Variants in SHROOM3 observed in about 807,000 individuals in gnomAD.
SHROOM3 encodes the protein shroom family member 3.
In SHROOM3, 47 loss-of-function variants were observed where a neutral mutation model predicts 138.6. The ratio of observed to expected loss-of-function variants is 0.34; its 90% confidence interval spans 0.27 to 0.43. The LOEUF (loss-of-function observed/expected upper bound fraction) is 0.43, where lower values mean the gene tolerates loss of function less well. Ranked by LOEUF, SHROOM3 falls within the 20% of genes least tolerant of loss-of-function variation. SHROOM3 has a pLI of 1.00. For synonymous variants in SHROOM3, 1,062 were observed against 1,063.3 expected (o/e 1.00, Z 0.02); for missense variants, 2,491 against 2,596.5 (o/e 0.96, Z 0.88).
At chr4:76,747,020 A>C (rs1721461652) in intron 5 of SHROOM3, among the ~76,000 whole-genome samples, 1 of 151,854 alleles carries the variant, frequency 6.6e-6, no homozygotes, top group African/African-American at 2.4e-5. Flanking sequence ...GGGTTTCACC[A>C]CGTTAGCCAG....
At chr4:76,635,587 G>C (rs978856389) in intron 2 of SHROOM3, among the ~76,000 whole-genome samples, 1 of 152,122 alleles carries the variant, frequency 6.6e-6, no homozygotes, top group Admixed American at 6.5e-5. Context: ...AAGAAATTCT[G>C]TCCTGCCTAA....
chr4:76,552,094 C>A (rs1733375900), intron 1 of SHROOM3, among the ~76,000 whole-genome samples: 1 of 150,132 alleles, frequency 6.7e-6, no homozygotes, highest in African/African-American at 2.4e-5. Flanking sequence ...ATCTCCTGAC[C>A]TTGTGATCCG....
intron 2 of SHROOM3, chr4:76,637,601 C>T (rs1735535491): frequency 6.6e-6 from 1 of 152,124 alleles, no homozygotes; most frequent in African/African-American, 2.4e-5. Flanking sequence ...GGTAACTTCA[C>T]AATCACTGGC....
At chr4:76,461,754 G>T (rs374341868) in intron 1 of SHROOM3, among the ~76,000 whole-genome samples, 11 of 152,284 alleles carry the variant, frequency 7.2e-5, no homozygotes, top group African/African-American at 2.6e-4. Flanking sequence ...AAGATCAATA[G>T]CTAAGTACTA....
At chr4:76,455,186 A>G (rs1278587667) in intron 1 of SHROOM3, among the ~76,000 whole-genome samples, 1 of 152,134 alleles carries the variant, frequency 6.6e-6, no homozygotes, top group Non-Finnish European at 1.5e-5. Flanking sequence ...GTTGAATACA[A>G]GTGGTAAAAG....
chr4:76,644,231 T>C (rs1438386681), intron 2 of SHROOM3: 1 of 151,574 alleles, frequency 6.6e-6, no homozygotes, highest in Non-Finnish European at 1.5e-5. Context: ...GATCATACTG[T>C]TTTGTAACAT....
chr4:76,709,392 A>C (rs1293373893), intron 2 of SHROOM3, among the ~76,000 whole-genome samples: 1 of 152,254 alleles, frequency 6.6e-6, no homozygotes, highest in Non-Finnish European at 1.5e-5. Context: ...GTCTGATGAG[A>C]CATCAAGAGC....
intron 2 of SHROOM3, among the ~76,000 whole-genome samples, chr4:76,705,033 G>A (rs566099974): frequency 3.9e-4 from 60 of 152,300 alleles, no homozygotes; most frequent in African/African-American, 1.4e-3. Flanking sequence ...TAATGGCTCA[G>A]TTCCGTGTCT....
chr4:76,457,767 G>A (rs915311621), intron 1 of SHROOM3, among the ~76,000 whole-genome samples: 4 of 151,386 alleles, frequency 2.6e-5, no homozygotes, highest in Non-Finnish European at 4.4e-5. Context: ...TAGGATAACA[G>A]GCGTGAGCCA....
At chr4:76,504,845 T>A (rs6831870) in intron 1 of SHROOM3, among the ~76,000 whole-genome samples, 6 of 152,018 alleles carry the variant, frequency 3.9e-5, no homozygotes, top group Non-Finnish European at 7.4e-5. Context: ...CCAGGATGGT[T>A]GGGGTAAGTA....
intron 1 of SHROOM3, among the ~76,000 whole-genome samples, chr4:76,505,957 A>G (rs1006672797): frequency 5.3e-5 from 8 of 152,120 alleles, no homozygotes; most frequent in African/African-American, 1.9e-4. Context: ...CAGCCTAGAG[A>G]TGATTTAAAG....
At chr4:76,554,419 GTTTTTTTT>G (rs33953968) in intron 1 of SHROOM3, among the ~76,000 whole-genome samples, 1 of 121,752 alleles carries the variant, frequency 8.2e-6, no homozygotes, top group Non-Finnish European at 1.7e-5. Flanking sequence ...TTTTGTTTGT[GTTTTTTTT>G]TTTTTTTTTT....
chr4:76,524,234 A>T (rs1032687088), intron 1 of SHROOM3, among the ~76,000 whole-genome samples: 3 of 152,214 alleles, frequency 2.0e-5, no homozygotes, highest in Non-Finnish European at 4.4e-5. Context: ...GAGAGCAGAG[A>T]TGATGAAGGA....
Position 76,770,746 on chromosome 4 carries a change from G to A in SHROOM3, c.5470G>A (p.Glu1824Lys), listed in dbSNP as rs774141280. The change falls in exon 10 of 11, where the codon GAG becomes AAG. Residue 1824 changes from glutamate (E) to lysine (K), a missense_variant. This residue lies in a region of SHROOM3 where 470 missense variants were observed against 595.0 expected (regional missense o/e 0.79). Coordinates refer to ENST00000296043, the MANE Select transcript of SHROOM3 (RefSeq NM_020859.4). ...AGAAGAGGTGGAGGCTCTGATCAGC[G>A]AGCTCTGCAAGCCCAATGAGTTTGA... is the stretch of plus-strand genomic sequence containing the variant. ...LGEEVEALIS[E>K]LCKPNEFDKY... 2.6e-5 allele frequency: 42 copies of A among 1,614,170 alleles called. No individual in the cohort carries two copies. The East Asian group carries it at 3.3e-4, about 13-fold the overall frequency.
chr4:76,531,953 A>G (rs1437258217), intron 1 of SHROOM3, among the ~76,000 whole-genome samples: 3 of 151,144 alleles, frequency 2.0e-5, no homozygotes, highest in Non-Finnish European at 2.9e-5. Flanking sequence ...ACATGTGCAC[A>G]ACGTGCAGGT....
intron 2 of SHROOM3, among the ~76,000 whole-genome samples, chr4:76,625,884 A>G (rs966340930): frequency 1.1e-4 from 17 of 152,202 alleles, no homozygotes; most frequent in Admixed American, 7.2e-4. Flanking sequence ...CTCGCTCACT[A>G]TTATACTTAG....
intron 3 of SHROOM3, among the ~76,000 whole-genome samples, chr4:76,719,688 C>T (rs919028949): frequency 2.3e-5 from 3 of 131,454 alleles, no homozygotes; most frequent in South Asian, 5.1e-4. Context: ...TGTTACCCCC[C>T]GGCAATTGAA....
At position 76,739,169 on chromosome 4, in the gene SHROOM3, T is replaced by C; in HGVS notation, c.996T>C (p.Gly332=). 6.2e-7 allele frequency: 1 copy of C among 1,614,012 alleles called. No individual in the cohort carries two copies. The change falls in exon 5 of 11, where the codon GGT becomes GGC. Residue 332 remains glycine (G), a synonymous_variant. Coordinates refer to ENST00000296043, the MANE Select transcript of SHROOM3 (RefSeq NM_020859.4). ...EVNSSALLLQ[G]REARASANGQ... is the part of the protein sequence containing the mutation. Reference sequence around the variant, plus strand: ...ACTCTTCAGCCCTGCTGCTTCAAGGTAGGGAGGCCCGAGCCTCAGCAAATG... The same window carrying C: ...ACTCTTCAGCCCTGCTGCTTCAAGGCAGGGAGGCCCGAGCCTCAGCAAATG...
At position 76,770,883 on chromosome 4, in the gene SHROOM3, C is replaced by T; in HGVS notation, c.5607C>T (p.Ala1869=). The stretch of plus-strand genomic sequence containing the variant: ...TCCTTAGCGGCCTTGGTGAAGATGC[C>T]AGTAATGAAGAAAGGGTAGGTGGCC... ...ENVLSGLGED[A]SNEERSSLYE... Residue 1869 remains alanine (A), a synonymous_variant, in exon 10 of 11, where the codon GCC becomes GCT. Coordinates refer to ENST00000296043, the MANE Select transcript of SHROOM3 (RefSeq NM_020859.4). The T allele has an allele frequency of 6.2e-7, 1 of 1,614,168 alleles. No homozygotes were observed. Among genetic ancestry groups the T allele is most frequent in the Non-Finnish European group, 8.5e-7 (1 of 1,180,034 alleles).
Sources: gnomAD v4.1 joint callset for allele counts (sites outside exome capture counted in the v4.1 genomes callset) on GRCh38, gnomAD v4.1.1 for gene constraint, gnomAD v4.1.1 regional missense constraint, MANE v1.5 for transcripts, NCBI Gene and HGNC (gene_info 2026-07-23, HGNC 2026-07-21) for gene names.